The following MOB3B variants were observed in gnomAD, a reference collection of about 807,000 sequenced individuals.
The protein encoded by MOB3B is MOB kinase activator 3B.
In MOB3B, 7 loss-of-function variants were observed where a neutral mutation model predicts 18.7. The observed-to-expected ratio is 0.37, with a 90% CI of 0.21 to 0.70. The LOEUF is 0.70. Among genes scored for constraint, MOB3B ranks in the 30% least tolerant of loss-of-function variants. The probability of loss-of-function intolerance (pLI) is 0.52; values close to 1 mark genes in which losing one functional copy is unlikely to be tolerated. For synonymous variants in MOB3B, 111 were observed against 99.9 expected, an observed-to-expected ratio of 1.11 and a Z score of -0.66; for missense variants, 253 against 281.3, an observed-to-expected ratio of 0.90 and a Z score of 0.72.
At chr9:27,520,981 G>T (rs576156689) in intron 1 of MOB3B, among the ~76,000 whole-genome samples, 1 of 152,312 alleles carries the variant, frequency 6.6e-6, no homozygotes, top group East Asian at 1.9e-4. Context: ...GTGGGAGAAG[G>T]ACAGATGTGT....
intron 3 of MOB3B, among the ~76,000 whole-genome samples, chr9:27,343,850 C>A (rs1196788572): frequency 4.6e-5 from 7 of 151,954 alleles, no homozygotes; most frequent in African/African-American, 1.5e-4. Context: ...GCAAGATATC[C>A]TTTTACTTCA....
chr9:27,405,600 T>C (rs1307989177), intron 2 of MOB3B, among the ~76,000 whole-genome samples: 1 of 152,178 alleles, frequency 6.6e-6, no homozygotes, highest in Non-Finnish European at 1.5e-5. Flanking sequence ...ATACCATTTT[T>C]CCATTTTTGC....
chr9:27,359,006 G>A, intron 3 of MOB3B, 28 bp downstream of exon 3: 1 of 1,610,100 alleles, frequency 6.2e-7, no homozygotes, highest in Non-Finnish European at 8.5e-7. Flanking sequence ...GGGTGACTTG[G>A]ATACCATTAT....
At chr9:27,422,532 G>A (rs1014886310) in intron 2 of MOB3B, among the ~76,000 whole-genome samples, 4 of 152,206 alleles carry the variant, frequency 2.6e-5, no homozygotes, top group Non-Finnish European at 5.9e-5. Context: ...ATTTAATCAA[G>A]ATAGCTGAAG....
chr9:27,524,379 G>C (rs770708256), intron 1 of MOB3B: 1 of 1,612,598 alleles, frequency 6.2e-7, no homozygotes. Context: ...TTTGTGGCTT[G>C]AGATCCTTAT....
chr9:27,346,028 A>T (rs1022028260), intron 3 of MOB3B, among the ~76,000 whole-genome samples: 1 of 152,178 alleles, frequency 6.6e-6, no homozygotes. Flanking sequence ...CCAGTGTAAT[A>T]GTATTAAGAG....
intron 1 of MOB3B, among the ~76,000 whole-genome samples, chr9:27,493,803 T>C (rs1353849170): frequency 6.6e-6 from 1 of 152,138 alleles, no homozygotes; most frequent in Non-Finnish European, 1.5e-5. Flanking sequence ...TTGTACAGCA[T>C]GTGTGTTTGA....
At chr9:27,491,677 T>C (rs756121058) in intron 1 of MOB3B, among the ~76,000 whole-genome samples, 8 of 152,084 alleles carry the variant, frequency 5.3e-5, no homozygotes, top group African/African-American at 1.9e-4. Flanking sequence ...ATTGAGACCA[T>C]CCTGGCTAAC....
intron 2 of MOB3B, among the ~76,000 whole-genome samples, chr9:27,428,086 C>T (rs1269233597): frequency 6.6e-6 from 1 of 152,214 alleles, no homozygotes; most frequent in Admixed American, 6.5e-5. Flanking sequence ...GCAGCCACTG[C>T]AAGCTGAATG....
chr9:27,490,615 C>G (rs2484317), intron 1 of MOB3B, among the ~76,000 whole-genome samples: 141,841 of 152,146 alleles, frequency 0.93, 66,712 homozygotes, highest in East Asian at 1. Flanking sequence ...TGGGGAGGAA[C>G]CTAGGGTGGC....
Position 27,454,312 on chromosome 9 carries a change from C to A in MOB3B, c.418+821G>T, listed in dbSNP as rs768339042. 1.6e-4 allele frequency among the ~76,000 whole-genome samples: 25 copies of A among 152,260 alleles called. 1 individual carries two copies. Among genetic ancestry groups the A allele is most frequent in the Non-Finnish European group, 3.4e-4 (23 of 68,022 alleles). ...TAGCACAAGTATTTATTCCATCATT[C>A]CACAAATATTTCCTGAGTGTCTACA... On this transcript the variant is annotated intron_variant, in intron 2 of 3. Coordinates refer to ENST00000262244, the MANE Select transcript of MOB3B (RefSeq NM_024761.5).
rs75080191 is a variant in MOB3B, at chr9:27,358,773, G to A, written c.621+261C>T. ...AATGACTTTGGAATTGAAAGTTAAA[G>A]CTACTCCCTCTGATCCAAACTATTA... is the stretch of plus-strand genomic sequence containing the variant. On this transcript the variant is annotated intron_variant, in intron 3 of 3. Transcript: ENST00000262244. 3.6e-3 allele frequency: 2,418 copies of A among 674,080 alleles called. 49 individuals are homozygous for A. The African/African-American group carries it at 0.038, about 11-fold the overall frequency. The allele number at this position is 674,080 out of a possible 1,614,324, so 41.8% of individuals were successfully genotyped here.
At chr9:27,335,331 G>A (rs1291489817) in intron 3 of MOB3B, among the ~76,000 whole-genome samples, 4 of 152,190 alleles carry the variant, frequency 2.6e-5, no homozygotes, top group Non-Finnish European at 5.9e-5. Flanking sequence ...TGGCAACTCA[G>A]ACCATCGGAA....
At position 27,400,107 on chromosome 9, in the gene MOB3B, C is replaced by T. The variant is rs577265829; in HGVS notation, c.419-40871G>A. Among the ~76,000 whole-genome samples the T allele has an allele frequency of 5.9e-5, 9 of 152,318 alleles. 1 individual carries two copies. In the South Asian group the frequency reaches 1.9e-3, roughly 32 times the overall value. The stretch of plus-strand genomic sequence containing the variant: ...TTACATCAGTCTCTCCTGCAAACTG[C>T]TCTCAGAATCCTCATTCCCAAAAAG... On this transcript the variant is annotated intron_variant, in intron 2 of 3. Coordinates refer to ENST00000262244, the MANE Select transcript of MOB3B (RefSeq NM_024761.5).
In MOB3B at chr9:27,431,051, G is replaced by T. The variant is rs192411104; in HGVS notation, c.418+24082C>A. ...GGTTCCTCCACTTGTAAATGACTGC[G>T]ATTTTGTGCAGAGTTAGAAAAAATG... On this transcript the variant is annotated intron_variant, in intron 2 of 3. Transcript: ENST00000262244. Among the ~76,000 whole-genome samples the T allele has an allele frequency of 1.3e-3, 200 of 152,180 alleles. 2 individuals carry two copies. The Middle Eastern group carries it at 0.017, about 13-fold the overall frequency.
intron 1 of MOB3B, among the ~76,000 whole-genome samples, chr9:27,476,526 T>G (rs1819555877): frequency 6.6e-6 from 1 of 152,230 alleles, no homozygotes; most frequent in Admixed American, 6.5e-5. Flanking sequence ...GACTCCAGTA[T>G]GACCTCATGT....
chr9:27,517,572 C>T (rs184412386), intron 1 of MOB3B, among the ~76,000 whole-genome samples: 6 of 126,640 alleles, frequency 4.7e-5, no homozygotes, highest in South Asian at 2.7e-4. Context: ...TGCTTGAGCC[C>T]GGGAGACGGA....
At chr9:27,524,215 G>T in intron 1 of MOB3B, 7 of 693,072 alleles carry the variant, frequency 1.0e-5, no homozygotes, top group Non-Finnish European at 1.5e-5. Flanking sequence ...GGTTAACTGT[G>T]AAATGACGAA....
chr9:27,392,578 C>G (rs988865491), intron 2 of MOB3B, among the ~76,000 whole-genome samples: 2 of 152,082 alleles, frequency 1.3e-5, no homozygotes, highest in African/African-American at 4.8e-5. Context: ...AACAAGAAAG[C>G]TATAATCCCA....
Sources: gnomAD v4.1 joint callset for allele counts (sites outside exome capture counted in the v4.1 genomes callset) on GRCh38, gnomAD v4.1.1 for gene constraint, MANE v1.5 for transcripts, NCBI Gene and HGNC (gene_info 2026-07-23, HGNC 2026-07-21) for gene names.